The following CMSS1 variants were observed in gnomAD, a reference collection of about 807,000 sequenced individuals.
The protein encoded by CMSS1 is protein CMSS1.
Under a neutral mutation model 43.5 loss-of-function variants are expected in CMSS1, and 33 were observed. The observed-to-expected ratio is 0.76, with a 90% CI of 0.57 to 1.01. The LOEUF is 1.01. CMSS1 is among the 50% of genes least tolerant of loss of function. The pLI, the probability that CMSS1 is intolerant of heterozygous loss-of-function variation, is 0.00. For synonymous variants in CMSS1, 115 were observed against 117.2 expected, an observed-to-expected ratio of 0.98 and a Z score of 0.12; for missense variants, 313 against 326.4, an observed-to-expected ratio of 0.96 and a Z score of 0.32.
Position 99,903,344 on chromosome 3 carries a change from C to G in CMSS1, c.64+85301C>G, listed in dbSNP as rs566810809. Among the ~76,000 whole-genome samples, 17 of 152,008 alleles carry G rather than the reference C, an allele frequency of 1.1e-4. No individual in the cohort carries two copies. The East Asian group carries it at 3.3e-3, about 29-fold the overall frequency. On this transcript the variant is annotated intron_variant, in intron 1 of 9. Coordinates refer to ENST00000421999, the MANE Select transcript of CMSS1 (RefSeq NM_032359.4). ...TCAGCTCACTGCAACCTCCGCCTCCCGGGTTCAAGCAATTCTCCTGCCTCA... is the reference window on the plus strand; with the variant it reads ...TCAGCTCACTGCAACCTCCGCCTCCGGGGTTCAAGCAATTCTCCTGCCTCA...
intron 1 of CMSS1, among the ~76,000 whole-genome samples, chr3:100,021,551 C>A (rs1007526267): frequency 4.6e-5 from 7 of 152,250 alleles, no homozygotes; most frequent in Non-Finnish European, 8.8e-5. Context: ...AAGAAAGGAG[C>A]TATCGTGAGC....
intron 1 of CMSS1, among the ~76,000 whole-genome samples, chr3:100,074,675 ATTTTTTTTTTTTTTTT>A (rs555819875): frequency 4.6e-4 from 16 of 34,802 alleles, no homozygotes; most frequent in East Asian, 3.2e-3. Context: ...GCAACATTTG[ATTTTTTTTTTTTTTTT>A]TTTTTTTTTT....
intron 6 of CMSS1, among the ~76,000 whole-genome samples, chr3:100,168,721 ACTC>A (rs1387930527): frequency 6.6e-6 from 1 of 151,418 alleles, no homozygotes; most frequent in African/African-American, 2.4e-5. Context: ...TCCTAGTAAA[ACTC>A]CAATAGAATT....
At chr3:100,056,625 G>A (rs889192621) in intron 1 of CMSS1, among the ~76,000 whole-genome samples, 16 of 151,808 alleles carry the variant, frequency 1.1e-4, no homozygotes, top group African/African-American at 3.9e-4. Flanking sequence ...CTAATGTTGA[G>A]TTTCTAGGCA....
intron 1 of CMSS1, among the ~76,000 whole-genome samples, chr3:99,991,084 CTGACA>C (rs1277795163): frequency 1.3e-5 from 2 of 152,232 alleles, no homozygotes; most frequent in Admixed American, 1.3e-4. Context: ...GGGGTCAGTC[CTGACA>C]TAAGACCAAA....
At chr3:100,112,467 G>A (rs925583161) in intron 1 of CMSS1, among the ~76,000 whole-genome samples, 2 of 152,032 alleles carry the variant, frequency 1.3e-5, no homozygotes, top group African/African-American at 4.8e-5. Flanking sequence ...CAGTGCCAGC[G>A]CCACTACCTA....
intron 1 of CMSS1, chr3:100,115,041 C>A: frequency 7.5e-7 from 1 of 1,338,858 alleles, no homozygotes; most frequent in South Asian, 1.3e-5. Flanking sequence ...TTATATTATT[C>A]AAGTGTTAAG....
intron 1 of CMSS1, among the ~76,000 whole-genome samples, chr3:100,070,005 T>G (rs1467581241): frequency 1.3e-5 from 2 of 152,188 alleles, no homozygotes; most frequent in Non-Finnish European, 2.9e-5. Context: ...ACATAATTCT[T>G]GTTTGATCCT....
chr3:99,822,067 G>A (rs536688774), intron 1 of CMSS1, among the ~76,000 whole-genome samples: 3 of 151,876 alleles, frequency 2.0e-5, no homozygotes, highest in Admixed American at 2.0e-4. Flanking sequence ...AAAAGAAAAT[G>A]TTACTTGATC....
chr3:100,031,238 G>A (rs2065017013), intron 1 of CMSS1, among the ~76,000 whole-genome samples: 1 of 152,112 alleles, frequency 6.6e-6, no homozygotes, highest in Non-Finnish European at 1.5e-5. Context: ...ATTCTCTAGT[G>A]GAAATCAGGA....
Position 100,083,402 on chromosome 3 carries a change from C to A in CMSS1, c.65-63571C>A, listed in dbSNP as rs9841296. Among the ~76,000 whole-genome samples, 762 of 152,312 alleles carry A rather than the reference C, an allele frequency of 5.0e-3. 5 individuals carry two copies. The highest frequency in any genetic ancestry group is 0.017 in the African/African-American group (717 of 41,558). On this transcript the variant is annotated intron_variant, in intron 1 of 9. Transcript: ENST00000421999. ...TTGCAAGACATGAAACTTCCTAGAC[C>A]CAACCCCAGGCCTACTGAATCAGAA...
chr3:99,987,232 AG>A (rs1236387042), intron 1 of CMSS1, among the ~76,000 whole-genome samples: 1 of 150,076 alleles, frequency 6.7e-6, no homozygotes, highest in Non-Finnish European at 1.5e-5. Flanking sequence ...CTGTCTCTTA[AG>A]GGGAAAAAAA....
chr3:99,983,395 T>A (rs1270993031), intron 1 of CMSS1, among the ~76,000 whole-genome samples: 195 of 105,496 alleles, frequency 1.8e-3, no homozygotes, highest in African/African-American at 7.7e-3. Context: ...AATAAATATA[T>A]ATATATATAT....
intron 1 of CMSS1, among the ~76,000 whole-genome samples, chr3:100,078,473 A>ATTTATTT (rs2065883457): frequency 6.6e-6 from 1 of 152,210 alleles, no homozygotes; most frequent in Non-Finnish European, 1.5e-5. Context: ...AACAGCAATA[A>ATTTATTT]TTTATTTTTT....
At chr3:99,866,120 C>CTT (rs1944502165) in intron 1 of CMSS1, among the ~76,000 whole-genome samples, 1 of 151,660 alleles carries the variant, frequency 6.6e-6, no homozygotes, top group South Asian at 2.1e-4. Flanking sequence ...AGCATGTATC[C>CTT]TTTTCCAGAA....
intron 1 of CMSS1, among the ~76,000 whole-genome samples, chr3:99,991,412 G>A (rs1709506139): frequency 6.6e-6 from 1 of 151,884 alleles, no homozygotes; most frequent in Non-Finnish European, 1.5e-5. Flanking sequence ...AATATATGAA[G>A]TGATTTTATA....
chr3:99,941,656 T>C (rs1707854198), intron 1 of CMSS1, among the ~76,000 whole-genome samples: 1 of 152,322 alleles, frequency 6.6e-6, no homozygotes, highest in South Asian at 2.1e-4. Flanking sequence ...GGAATAATTA[T>C]ATGGATCATA....
At chr3:99,989,902 A>G (rs1709462990) in intron 1 of CMSS1, among the ~76,000 whole-genome samples, 1 of 152,128 alleles carries the variant, frequency 6.6e-6, no homozygotes, top group Admixed American at 6.5e-5. Flanking sequence ...TTAAAACTGG[A>G]GTAGTTATTT....
intron 1 of CMSS1, among the ~76,000 whole-genome samples, chr3:100,107,141 T>G (rs2066409128): frequency 6.6e-6 from 1 of 152,208 alleles, no homozygotes; most frequent in Non-Finnish European, 1.5e-5. Flanking sequence ...AAAAAAATCC[T>G]TGTTTTATAT....
Sources: gnomAD v4.1 joint callset for allele counts (sites outside exome capture counted in the v4.1 genomes callset) on GRCh38, gnomAD v4.1.1 for gene constraint, MANE v1.5 for transcripts, NCBI Gene and HGNC (gene_info 2026-07-23, HGNC 2026-07-21) for gene names.